SMARCA2: variants seen among roughly 807,000 people sequenced by gnomAD.
SMARCA2 encodes SWI/SNF-related matrix-associated actin-dependent regulator of chromatin subfamily A member 2.
A neutral mutation model predicts 199.8 loss-of-function variants in SMARCA2; 61 were observed. The ratio of observed to expected loss-of-function variants is 0.31; its 90% CI spans 0.25 to 0.38. The LOEUF (loss-of-function observed/expected upper bound fraction) is 0.38, where lower values mean the gene tolerates loss of function less well. SMARCA2 is among the 10% of genes least tolerant of loss of function. SMARCA2 has a pLI of 1.00. For missense variants in SMARCA2, 1,344 were observed against 2,012.2 expected (o/e 0.67, Z 6.35); for synonymous variants, 935 against 732.0 (o/e 1.28, Z -4.48).
chr9:2,049,292 T>G (rs915379939), intron 5 of SMARCA2, among the ~76,000 whole-genome samples: 1 of 152,240 alleles, frequency 6.6e-6, no homozygotes, highest in African/African-American at 2.4e-5. Flanking sequence ...TTGCAGGACT[T>G]TCTTGTAATA....
At position 2,110,515 on chromosome 9, in the gene SMARCA2, T is replaced by A; in HGVS notation, c.3456+98T>A. On this transcript the variant is annotated intron_variant, in intron 24 of 33. Coordinates refer to ENST00000349721, the MANE Select transcript of SMARCA2 (RefSeq NM_003070.5). This position sits in a 1 kb window ranked among gnomAD's most constrained non-coding sequence, Gnocchi z 4.8. ...ACATTTACAGGACAGAGCAAATATC[T>A]AAACGAGTGGGCTGTTGCTTTCTTG... 1 of 952,688 alleles carries A rather than the reference T, an allele frequency of 1.0e-6. No homozygotes were observed. Among genetic ancestry groups the A allele is most frequent in the Non-Finnish European group, 1.5e-6 (1 of 671,092 alleles). 59.0% of individuals were successfully genotyped at this position (952,688 alleles called of 1,614,324 possible).
intron 27 of SMARCA2, chr9:2,159,071 G>A: frequency 1.4e-6 from 2 of 1,476,184 alleles, no homozygotes; most frequent in Non-Finnish European, 1.8e-6. Flanking sequence ...TGTTTCAGTT[G>A]TTCTGTTTGC....
intron 5 of SMARCA2, among the ~76,000 whole-genome samples, chr9:2,053,348 A>C (rs1820210109): frequency 1.3e-5 from 2 of 152,100 alleles, no homozygotes; most frequent in African/African-American, 4.8e-5. Context: ...CAGAATTCTT[A>C]ATTTTCAGCT....
chr9:2,182,037 A>G (rs1204809218), intron 30 of SMARCA2, 104 bp from the exon 31 acceptor site: 2 of 819,288 alleles, frequency 2.4e-6, no homozygotes, highest in African/African-American at 3.4e-5. Flanking sequence ...GCAGGGCTTT[A>G]TGCTGTGAAG....
chr9:2,079,389 A>C (rs2130453754), intron 14 of SMARCA2, among the ~76,000 whole-genome samples: 1 of 152,180 alleles, frequency 6.6e-6, no homozygotes, highest in South Asian at 2.1e-4. Context: ...GGTCCTCTCT[A>C]CTCTTAACAC....
At chr9:2,132,732 C>T (rs1055683143) in intron 27 of SMARCA2, among the ~76,000 whole-genome samples, 9 of 152,142 alleles carry the variant, frequency 5.9e-5, no homozygotes, top group African/African-American at 2.2e-4. Context: ...TGCCAAATTC[C>T]AAGTCCTTCA....
intron 6 of SMARCA2, chr9:2,055,771 T>G (rs1820325790): frequency 6.6e-6 from 1 of 152,252 alleles, no homozygotes; most frequent in East Asian, 1.9e-4. Context: ...TTCTGTTTAC[T>G]TCTTTCTTAT....
At chr9:2,094,654 A>G (rs4634703) in intron 19 of SMARCA2, among the ~76,000 whole-genome samples, 19,605 of 152,228 alleles carry the variant, frequency 0.13, 1,420 homozygotes, top group East Asian at 0.25. Flanking sequence ...GTGCCATTCA[A>G]TAGCTATATC....
intron 3 of SMARCA2, among the ~76,000 whole-genome samples, chr9:2,036,663 C>G (rs1377755073): frequency 1.3e-5 from 2 of 152,134 alleles, no homozygotes; most frequent in African/African-American, 4.8e-5. Flanking sequence ...TCATTTTCTT[C>G]TGATCAAATT....
chr9:2,100,258 A>G (rs1339087582), intron 21 of SMARCA2, among the ~76,000 whole-genome samples: 1 of 152,256 alleles, frequency 6.6e-6, no homozygotes, highest in African/African-American at 2.4e-5. Context: ...AAATGCGTGG[A>G]AAACAGTATT....
At chr9:2,099,193 G>C (rs547088009) in intron 21 of SMARCA2, among the ~76,000 whole-genome samples, 1 of 152,272 alleles carries the variant, frequency 6.6e-6, no homozygotes, top group Admixed American at 6.5e-5. Context: ...TGTTATATCA[G>C]ATTTAAGGTA....
intron 5 of SMARCA2, among the ~76,000 whole-genome samples, chr9:2,049,773 C>G (rs1167402582): frequency 6.6e-6 from 1 of 152,204 alleles, no homozygotes; most frequent in Non-Finnish European, 1.5e-5. Context: ...TAAATGAAGT[C>G]CCTTAGGCAC....
At chr9:2,099,549 G>T (rs12351672) in intron 21 of SMARCA2, among the ~76,000 whole-genome samples, 2,874 of 152,188 alleles carry the variant, frequency 0.019, 56 homozygotes, top group African/African-American at 0.052. Context: ...AGGAAGCGAA[G>T]TTGAAGGTGC....
intron 1 of SMARCA2, among the ~76,000 whole-genome samples, chr9:2,018,206 G>C (rs1818446074): frequency 6.6e-6 from 1 of 152,248 alleles, no homozygotes; most frequent in Non-Finnish European, 1.5e-5. Context: ...TGGGAATCGA[G>C]GGAGTGGGGG....
intron 27 of SMARCA2, among the ~76,000 whole-genome samples, chr9:2,142,463 G>T (rs1013949359): frequency 6.6e-6 from 1 of 152,090 alleles, no homozygotes; most frequent in Non-Finnish European, 1.5e-5. Flanking sequence ...TCTCTCTCCT[G>T]ATTTCTCAGA....
At chr9:2,088,451 A>G in intron 18 of SMARCA2, 49 bp from the exon 19 acceptor site, 1 of 1,543,412 alleles carries the variant, frequency 6.5e-7, no homozygotes, top group East Asian at 2.3e-5. Flanking sequence ...TATTGTATGA[A>G]ACATCCTTTT....
In SMARCA2 at chr9:2,159,933, T is replaced by C. The variant is rs1010492441; in HGVS notation, c.3982-1753T>C. 1.5e-5 allele frequency: 24 copies of C among 1,596,408 alleles called. No homozygotes were observed. In the African/African-American group the frequency reaches 2.9e-4, roughly 20 times the overall value. ...AGGTAAATATCCTTTTTCGTTGCCG[T>C]CTTGAAGATTCAGTAGAACTACATC... On this transcript the variant is annotated intron_variant, in intron 27 of 33. Transcript: ENST00000349721.
At position 2,170,412 on chromosome 9, in the gene SMARCA2, A is replaced by AC; in HGVS notation, c.4200-5dup. ...CTGACTCTAGTGTTCTTTCTACTCT[A>AC]CCGCAGGTGTAACGTGGAGAAGGTG... On this transcript the variant is annotated splice_region_variant and splice_polypyrimidine_tract_variant and intron_variant, in intron 28 of 33. Transcript: ENST00000349721. The surrounding 1 kb of genome is among the most constrained non-coding windows in gnomAD (Gnocchi z 4.7). 6.2e-7 allele frequency: 1 copy of AC among 1,614,080 alleles called. No individual in the cohort carries two copies. Among genetic ancestry groups the AC allele is most frequent in the East Asian group, 2.2e-5 (1 of 44,874 alleles).
At position 2,155,343 on chromosome 9, in the gene SMARCA2, G is replaced by T. The variant is rs149453290; in HGVS notation, c.3982-6343G>T. 5.1e-3 allele frequency among the ~76,000 whole-genome samples: 780 copies of T among 151,906 alleles called. 5 individuals are homozygous for T. Among genetic ancestry groups the T allele is most frequent in the Admixed American group, 8.1e-3 (124 of 15,250 alleles). ...TGTTGCCCAGGCTGGAGTGCAGTGG[G>T]GCAATCTCGGCTCACTGCAGCCTCC... On this transcript the variant is annotated intron_variant, in intron 27 of 33. Transcript: ENST00000349721.
Sources: gnomAD v4.1 joint callset for allele counts (sites outside exome capture counted in the v4.1 genomes callset) on GRCh38, gnomAD v4.1.1 for gene constraint, Gnocchi (gnomAD v3.1) non-coding constraint, MANE v1.5 for transcripts, NCBI Gene and HGNC (gene_info 2026-07-23, HGNC 2026-07-21) for gene names.